The following SORL1 variants were observed in gnomAD, a reference collection of about 807,000 sequenced individuals.
The protein encoded by SORL1 is sortilin related receptor 1.
Under a neutral mutation model 273.7 loss-of-function variants are expected in SORL1, and 127 were observed. That is an observed-to-expected ratio of 0.46 (90% confidence interval 0.40 to 0.54). The LOEUF (loss-of-function observed/expected upper bound fraction) is 0.54. Among genes scored for constraint, SORL1 ranks in the 20% least tolerant of loss-of-function variants. The probability of loss-of-function intolerance (pLI) is 0.00; values close to 1 mark genes in which losing one functional copy is unlikely to be tolerated. For synonymous variants in SORL1, 1,031 were observed against 1,067.4 expected (o/e 0.97, Z 0.66); for missense variants, 2,494 against 2,846.1 (o/e 0.88, Z 2.81).
intron 41 of SORL1, 61 bp downstream of exon 41, chr11:121,615,116 C>A: frequency 1.5e-6 from 2 of 1,331,400 alleles, no homozygotes; most frequent in Non-Finnish European, 2.0e-6. Context: ...TGCTACGCCA[C>A]CACACAACTC....
At chr11:121,461,510 A>G (rs1242994534) in intron 1 of SORL1, among the ~76,000 whole-genome samples, 2 of 152,166 alleles carry the variant, frequency 1.3e-5, no homozygotes, top group Admixed American at 6.5e-5. Context: ...CCCCTTCTCC[A>G]TTAGTCTTGT....
chr11:121,563,637 C>G lies in SORL1; in HGVS notation c.3050-3303C>G, dbSNP rs926012237. Among the ~76,000 whole-genome samples the G allele has an allele frequency of 6.6e-6, 1 of 152,232 alleles. No individual in the cohort carries two copies. The highest frequency in any genetic ancestry group is 1.5e-5 in the Non-Finnish European group (1 of 68,030). ...TCTTGAACTCCTGAGCTCAGGCAAT[C>G]TGCACGCCCCGGCCTCCCAAAGTGC... is the stretch of plus-strand genomic sequence containing the variant. On this transcript the variant is annotated intron_variant, in intron 21 of 47. Coordinates refer to ENST00000260197, the MANE Select transcript of SORL1 (RefSeq NM_003105.6). The surrounding 1 kb of genome is among the most constrained non-coding windows in gnomAD (Gnocchi z 4.2).
Position 121,470,112 on chromosome 11 carries a change from A to G in SORL1, c.391A>G (p.Lys131Glu). Residue 131 changes from lysine (K) to glutamate (E), a missense_variant, in exon 2 of 48, where the codon AAG becomes GAG. By Grantham distance (56) the Lys-to-Glu change is moderately conservative (BLOSUM62 1). Around this residue, in one of 3 missense-constraint regions of SORL1, gnomAD observed 710 missense variants for 882.5 expected, o/e 0.80. Coordinates refer to ENST00000260197, the MANE Select transcript of SORL1 (RefSeq NM_003105.6). Reference protein sequence around the residue: ...ARDSLALARPKSSDVYVSYDY... With the variant: ...ARDSLALARPESSDVYVSYDY... ...AGATAGCCTGGCATTGGCGAGGCCC[A>G]AGAGCAGTGATGTAAGTGTTGTGTT... The G allele has an allele frequency of 6.2e-7, 1 of 1,612,392 alleles. No homozygotes were observed. Among genetic ancestry groups the G allele is most frequent in the Non-Finnish European group, 8.5e-7 (1 of 1,178,374 alleles).
chr11:121,481,304 C>T (rs1375029460), intron 3 of SORL1, among the ~76,000 whole-genome samples: 1 of 126,076 alleles, frequency 7.9e-6, no homozygotes, highest in Non-Finnish European at 1.7e-5. Flanking sequence ...CCATCTCCTC[C>T]TCCCCAGCTC....
chr11:121,590,861 G>A, intron 30 of SORL1, 140 bp from the exon 31 acceptor site: 1 of 879,858 alleles, frequency 1.1e-6, no homozygotes, highest in Non-Finnish European at 1.9e-6. Flanking sequence ...ATTAGCCGCT[G>A]CTCAGAGCTG....
At chr11:121,479,223 G>A (rs540353074) in intron 3 of SORL1, among the ~76,000 whole-genome samples, 1 of 152,238 alleles carries the variant, frequency 6.6e-6, no homozygotes, top group South Asian at 2.1e-4. Flanking sequence ...AGGTGGAGGC[G>A]GGAGGGCAGG....
At chr11:121,559,411 C>A in intron 20 of SORL1, 108 bp from the exon 21 acceptor site, 1 of 1,150,390 alleles carries the variant, frequency 8.7e-7, no homozygotes, top group Non-Finnish European at 1.2e-6. Flanking sequence ...GCTAGTCATT[C>A]AGCCAATAAA....
At chr11:121,527,453 T>G (rs1355062872) in intron 11 of SORL1, among the ~76,000 whole-genome samples, 1 of 152,092 alleles carries the variant, frequency 6.6e-6, no homozygotes, top group Non-Finnish European at 1.5e-5. Context: ...GTCTTTAATT[T>G]GTTTTTTTTT....
chr11:121,534,349 G>A (rs982580386), intron 12 of SORL1, among the ~76,000 whole-genome samples: 1 of 152,198 alleles, frequency 6.6e-6, no homozygotes, highest in Non-Finnish European at 1.5e-5. Context: ...CTCAGGGAAC[G>A]CAGCGTCATT....
intron 10 of SORL1, 95 bp downstream of exon 10, chr11:121,522,798 C>A (rs116623426): frequency 1.5e-6 from 2 of 1,369,256 alleles, no homozygotes; most frequent in Non-Finnish European, 2.1e-6. Flanking sequence ...GCAGTAACCA[C>A]GCTTTGTGGT....
At chr11:121,555,019 T>C in intron 17 of SORL1, 168 bp from the exon 18 acceptor site, 1 of 636,090 alleles carries the variant, frequency 1.6e-6, no homozygotes, top group Admixed American at 2.9e-5. Context: ...ATTTTAGAAA[T>C]GCTTTCATGA....
chr11:121,602,854 G>A (rs141150810), intron 32 of SORL1, among the ~76,000 whole-genome samples: 103 of 152,292 alleles, frequency 6.8e-4, no homozygotes, highest in African/African-American at 2.3e-3. Context: ...CTTGGCCTAC[G>A]TGCAGAGATA....
chr11:121,598,823 G>A (rs772707981), intron 32 of SORL1, among the ~76,000 whole-genome samples: 12 of 152,156 alleles, frequency 7.9e-5, no homozygotes, highest in Non-Finnish European at 1.6e-4. Flanking sequence ...TTTCGGAGGG[G>A]TCCCAGGACC....
intron 1 of SORL1, among the ~76,000 whole-genome samples, chr11:121,453,985 T>C (rs571707847): frequency 2.0e-5 from 3 of 152,242 alleles, no homozygotes; most frequent in Non-Finnish European, 2.9e-5. Flanking sequence ...CCACTATTGG[T>C]CCCTGGGCAA....
chr11:121,616,159 A>T (rs564805317), intron 41 of SORL1, among the ~76,000 whole-genome samples: 1 of 152,144 alleles, frequency 6.6e-6, no homozygotes, highest in Admixed American at 6.5e-5. Context: ...CCGCCTCATC[A>T]CCCCCAACTA....
intron 25 of SORL1, 24 bp from the exon 26 acceptor site, chr11:121,583,434 C>T (rs1286375831): frequency 6.2e-7 from 1 of 1,604,028 alleles, no homozygotes; most frequent in Non-Finnish European, 8.5e-7. Context: ...GGGTGTGCGA[C>T]TGTGTCTCTC....
chr11:121,583,322 A>C, intron 25 of SORL1, 136 bp from the exon 26 acceptor site: 4 of 1,029,712 alleles, frequency 3.9e-6, no homozygotes, highest in Non-Finnish European at 5.3e-6. Flanking sequence ...TTCTCAGCCA[A>C]GGAGAAACCC....
Position 121,595,850 on chromosome 11 carries a change from T to G in SORL1, c.4519+78T>G. ...AGTTCTGGTGCTTCTGCTTCATTTCTGGATCAGCACACGCCTGTGTGTGAG... is the reference window on the plus strand; with the variant it reads ...AGTTCTGGTGCTTCTGCTTCATTTCGGGATCAGCACACGCCTGTGTGTGAG... On this transcript the variant is annotated intron_variant, in intron 32 of 47. Transcript: ENST00000260197. The surrounding 1 kb of genome is among the most constrained non-coding windows in gnomAD (Gnocchi z 5.1). 6.7e-7 allele frequency: 1 copy of G among 1,488,052 alleles called. No homozygotes were observed. Among genetic ancestry groups the G allele is most frequent in the Non-Finnish European group, 9.2e-7 (1 of 1,090,204 alleles). The allele number at this position is 1,488,052 out of a possible 1,614,324, so 92.2% of individuals were successfully genotyped here.
rs1862296180 is a variant in SORL1, at chr11:121,538,318, C to T, written c.1686-5230C>T. ...CATCAGTCCAGAAAATACTCACGTG[C>T]CCCTTTCCAGTCAGTGCTCTCCACC... On this transcript the variant is annotated intron_variant, in intron 12 of 47. Transcript: ENST00000260197. 3.3e-5 allele frequency among the ~76,000 whole-genome samples: 5 copies of T among 152,150 alleles called. No individual in the cohort carries two copies. In the South Asian group the frequency reaches 1.0e-3, roughly 32 times the overall value.
Sources: allele counts gnomAD v4.1 joint callset (sites outside exome capture counted in the v4.1 genomes callset), GRCh38; gene constraint gnomAD v4.1.1; regional missense constraint gnomAD v4.1.1; non-coding constraint Gnocchi (gnomAD v3.1); transcripts MANE v1.5; gene names NCBI Gene and HGNC (gene_info 2026-07-23, HGNC 2026-07-21).